Variants in PIN4 observed in about 807,000 individuals in gnomAD.
PIN4 encodes the protein peptidylprolyl cis/trans isomerase, NIMA-interacting 4.
Under a neutral mutation model 8.3 loss-of-function variants are expected in PIN4, and 3 were observed. The observed-to-expected ratio is 0.36, with a 90% CI of 0.16 to 0.93. The LOEUF is 0.93. Ranked by LOEUF, PIN4 falls within the 40% of genes least tolerant of loss-of-function variation. The pLI is 0.44. For missense variants in PIN4, 75 were observed against 100.6 expected, an observed-to-expected ratio of 0.75 and a Z score of 1.09; for synonymous variants, 18 against 32.5, an observed-to-expected ratio of 0.55 and a Z score of 1.52.
At position 72,241,958 on chromosome X, in the gene PIN4, G is replaced by A. The variant is rs769452525; in HGVS notation, c.313-20749G>A. Among the ~76,000 whole-genome samples the A allele has an allele frequency of 1.2e-4, 14 of 112,044 alleles. No individual in the cohort carries two copies. In the South Asian group the frequency reaches 4.9e-3, roughly 39 times the overall value. On this transcript the variant is annotated intron_variant, in intron 3 of 3. Transcript: ENST00000423432. ...AGAGCAGAATAGGGGAGAAGATGTA[G>A]GAGAGAATTCTGCAGAAAGGAAAAG...
intron 3 of PIN4, among the ~76,000 whole-genome samples, chrX:72,236,725 C>G (rs2043019312): frequency 8.9e-6 from 1 of 112,213 alleles, no homozygotes; most frequent in Non-Finnish European, 1.9e-5. Flanking sequence ...AAATGACACA[C>G]AGCAGGCCCT....
At chrX:72,227,003 C>T (rs1343383972) in intron 3 of PIN4, among the ~76,000 whole-genome samples, 4 of 112,005 alleles carry the variant, frequency 3.6e-5, no homozygotes. Flanking sequence ...CAAAAGGCTT[C>T]ACCCTACTCC....
intron 2 of PIN4, among the ~76,000 whole-genome samples, chrX:72,188,296 A>G (rs182414036): frequency 8.9e-6 from 1 of 112,350 alleles, no homozygotes; most frequent in African/African-American, 3.2e-5. Context: ...TTTTCACCTA[A>G]TATGTTTTCA....
chrX:72,249,371 T>C (rs2043078696), intron 3 of PIN4, among the ~76,000 whole-genome samples: 2 of 112,227 alleles, frequency 1.8e-5, no homozygotes, highest in African/African-American at 6.5e-5. Context: ...GGGGTGTAAA[T>C]TGGTACAACC....
chrX:72,184,359 A>G (rs1348539546), intron 1 of PIN4, among the ~76,000 whole-genome samples: 1 of 112,257 alleles, frequency 8.9e-6, no homozygotes. Context: ...CTGGAAGAAC[A>G]GGAGGTTATA....
chrX:72,194,701 C>CAAA (rs56123643), intron 2 of PIN4, among the ~76,000 whole-genome samples: 3 of 50,148 alleles, frequency 6.0e-5, no homozygotes, highest in Non-Finnish European at 1.3e-4. Context: ...AACTCCATCT[C>CAAA]AAAAAAAAAA....
chrX:72,261,518 C>T (rs750092778), intron 3 of PIN4, among the ~76,000 whole-genome samples: 1 of 111,386 alleles, frequency 9.0e-6, no homozygotes, highest in Non-Finnish European at 1.9e-5. Flanking sequence ...TTTCGGTATG[C>T]TTTTTAACAT....
chrX:72,250,020 G>A (rs935547275), intron 3 of PIN4, among the ~76,000 whole-genome samples: 3 of 109,809 alleles, frequency 2.7e-5, no homozygotes, highest in Non-Finnish European at 5.7e-5. Context: ...GCAGCCGGGG[G>A]TGAGAACCGC....
chrX:72,232,909 C>G (rs1056534384), intron 3 of PIN4, among the ~76,000 whole-genome samples: 1 of 110,458 alleles, frequency 9.1e-6, no homozygotes, highest in African/African-American at 3.3e-5. Context: ...TCAAGACCAG[C>G]CTGGGCAACA....
chrX:72,228,504 C>T (rs1303306423), intron 3 of PIN4, among the ~76,000 whole-genome samples: 2 of 111,804 alleles, frequency 1.8e-5, no homozygotes, highest in Non-Finnish European at 3.8e-5. Flanking sequence ...ACAGGACCCA[C>T]TTCCCTTTGC....
intron 3 of PIN4, among the ~76,000 whole-genome samples, chrX:72,215,267 G>T (rs887977108): frequency 3.9e-4 from 44 of 111,550 alleles, no homozygotes; most frequent in African/African-American, 1.4e-3. Flanking sequence ...CACTTTCTGG[G>T]GTGATAATAG....
At chrX:72,238,923 T>C in intron 3 of PIN4, 1 of 1,183,871 alleles carries the variant, frequency 8.4e-7, no homozygotes, top group Non-Finnish European at 1.1e-6. Context: ...ACCCTCGGAT[T>C]GGGTTCCAGT....
chrX:72,193,887 G>C (rs775935794), intron 2 of PIN4, among the ~76,000 whole-genome samples: 1 of 106,648 alleles, frequency 9.4e-6, no homozygotes, highest in African/African-American at 3.4e-5. Flanking sequence ...AAAAAAAAAA[G>C]AAAAAAGCTT....
At chrX:72,258,663 T>A (rs905382655) in intron 3 of PIN4, among the ~76,000 whole-genome samples, 3 of 111,329 alleles carry the variant, frequency 2.7e-5, no homozygotes, top group African/African-American at 9.8e-5. Context: ...TGGGTTCCCA[T>A]CCAGCCCATC....
intron 3 of PIN4, among the ~76,000 whole-genome samples, chrX:72,215,645 TACAAAA>T (rs1318063930): frequency 6.3e-5 from 7 of 111,554 alleles, no homozygotes; most frequent in African/African-American, 2.3e-4. Flanking sequence ...TTTGAAGGCA[TACAAAA>T]AGCAAGATTC....
chrX:72,184,835 ACT>A (rs2042691050), intron 1 of PIN4, among the ~76,000 whole-genome samples: 1 of 109,835 alleles, frequency 9.1e-6, no homozygotes, highest in Admixed American at 9.7e-5. Context: ...CAAGATGGAG[ACT>A]CTTGCTTAAA....
intron 2 of PIN4, among the ~76,000 whole-genome samples, chrX:72,193,743 C>T (rs2042748548): frequency 9.1e-6 from 1 of 109,524 alleles, no homozygotes; most frequent in Non-Finnish European, 1.9e-5. Context: ...TGGTGACACG[C>T]GCCTGTAATC....
intron 3 of PIN4, chrX:72,205,813 G>A: frequency 1.7e-6 from 2 of 1,211,822 alleles, no homozygotes; most frequent in Non-Finnish European, 2.2e-6. Context: ...GGAATTAGGT[G>A]CAGAGCCACA....
intron 2 of PIN4, 80 bp from the exon 3 acceptor site, chrX:72,196,705 G>T (rs2042767830): frequency 1.2e-6 from 1 of 844,294 alleles, no homozygotes; most frequent in African/African-American, 2.1e-5. Context: ...AACTGGTGGG[G>T]GTAATCCAAA....
Sources: allele counts gnomAD v4.1 joint callset (sites outside exome capture counted in the v4.1 genomes callset), GRCh38; gene constraint gnomAD v4.1.1; transcripts MANE v1.5; gene names NCBI Gene and HGNC (gene_info 2026-07-23, HGNC 2026-07-21).